ARHGEF28: variants seen among roughly 807,000 people sequenced by gnomAD.
ARHGEF28 encodes 190 kDa guanine nucleotide exchange factor.
In ARHGEF28, 152 loss-of-function variants were observed where a neutral mutation model predicts 206.6. The ratio of observed to expected loss-of-function variants is 0.74; its 90% CI spans 0.64 to 0.84. The LOEUF is 0.84. Ranked by LOEUF, ARHGEF28 falls within the 40% of genes least tolerant of loss-of-function variation. ARHGEF28 has a pLI of 0.00. For missense variants in ARHGEF28, 2,028 were observed against 2,073.2 expected, an observed-to-expected ratio of 0.98 and a Z score of 0.42; for synonymous variants, 763 against 776.4, an observed-to-expected ratio of 0.98 and a Z score of 0.29.
At chr5:73,842,178 A>G (rs1192167216) in intron 11 of ARHGEF28, among the ~76,000 whole-genome samples, 1 of 152,238 alleles carries the variant, frequency 6.6e-6, no homozygotes, top group African/African-American at 2.4e-5. Flanking sequence ...CTTAGGGAGT[A>G]GCTTTTTTTT....
intron 9 of ARHGEF28, among the ~76,000 whole-genome samples, chr5:73,809,476 T>G (rs1755714829): frequency 6.6e-6 from 1 of 152,202 alleles, no homozygotes; most frequent in African/African-American, 2.4e-5. Context: ...CCCGGATATC[T>G]GTGTCTCCCA....
intron 2 of ARHGEF28, among the ~76,000 whole-genome samples, chr5:73,721,611 C>T (rs1749952572): frequency 6.6e-6 from 1 of 152,074 alleles, no homozygotes; most frequent in Admixed American, 6.5e-5. Context: ...CTCACTCTGT[C>T]CCCCAGGCTG....
At chr5:73,666,932 T>G (rs1487282493) in intron 1 of ARHGEF28, among the ~76,000 whole-genome samples, 1 of 152,136 alleles carries the variant, frequency 6.6e-6, no homozygotes. Context: ...CTTAGCATAA[T>G]CCAAGGGTGG....
intron 2 of ARHGEF28, among the ~76,000 whole-genome samples, chr5:73,687,114 G>T (rs1023027554): frequency 1.3e-5 from 2 of 152,018 alleles, no homozygotes; most frequent in African/African-American, 4.8e-5. Context: ...TATATACCTT[G>T]CTGGTGCTAC....
At chr5:73,688,287 C>A (rs1747595181) in intron 2 of ARHGEF28, among the ~76,000 whole-genome samples, 1 of 151,968 alleles carries the variant, frequency 6.6e-6, no homozygotes, top group African/African-American at 2.4e-5. Context: ...CAATTTCTAC[C>A]CACCTCTCAA....
At chr5:73,896,395 C>A (rs1455724694) in intron 29 of ARHGEF28, among the ~76,000 whole-genome samples, 4 of 151,992 alleles carry the variant, frequency 2.6e-5, no homozygotes, top group African/African-American at 9.7e-5. Context: ...GGGATCAGAT[C>A]ATTGTAGGCT....
chr5:73,870,960 A>G (rs1760069877), intron 21 of ARHGEF28, among the ~76,000 whole-genome samples: 1 of 152,166 alleles, frequency 6.6e-6, no homozygotes, highest in Admixed American at 6.5e-5. Context: ...GGCAGTGAGG[A>G]TACCTTGTCA....
chr5:73,871,852 A>G (rs1418871269), intron 21 of ARHGEF28, among the ~76,000 whole-genome samples: 1 of 152,204 alleles, frequency 6.6e-6, no homozygotes, highest in African/African-American at 2.4e-5. Context: ...TGAATAGTAC[A>G]ATATGTGGTC....
At chr5:73,665,711 C>T (rs577321166) in intron 1 of ARHGEF28, among the ~76,000 whole-genome samples, 310 of 152,112 alleles carry the variant, frequency 2.0e-3, no homozygotes, top group African/African-American at 6.9e-3. Flanking sequence ...AAACCCACAC[C>T]CATGATAATG....
At chr5:73,780,274 A>T (rs187733566) in intron 6 of ARHGEF28, 58 of 179,586 alleles carry the variant, frequency 3.2e-4, no homozygotes, top group Admixed American at 6.2e-4. Context: ...CTAGCCCCTC[A>T]CCTGGTCCTC....
intron 20 of ARHGEF28, among the ~76,000 whole-genome samples, chr5:73,869,572 A>G (rs1759955534): frequency 6.6e-6 from 1 of 152,204 alleles, no homozygotes; most frequent in South Asian, 2.1e-4. Context: ...CTGTCATGAA[A>G]GCTGTCTTAA....
chr5:73,828,039 C>G (rs1043387887), intron 9 of ARHGEF28: 12 of 152,034 alleles, frequency 7.9e-5, no homozygotes, highest in South Asian at 2.1e-4. Context: ...ACCCAAAAAG[C>G]CTGCTAGACA....
chr5:73,770,867 G>A (rs2112441632), intron 4 of ARHGEF28, among the ~76,000 whole-genome samples: 1 of 152,344 alleles, frequency 6.6e-6, no homozygotes, highest in East Asian at 1.9e-4. Context: ...ATTCAGGCCT[G>A]CATGTTTACT....
At chr5:73,828,247 T>A (rs1757033519) in intron 9 of ARHGEF28, among the ~76,000 whole-genome samples, 1 of 152,230 alleles carries the variant, frequency 6.6e-6, no homozygotes, top group Non-Finnish European at 1.5e-5. Flanking sequence ...TGGCTAGTGT[T>A]GAAGTTAATA....
intron 35 of ARHGEF28, among the ~76,000 whole-genome samples, chr5:73,925,699 G>A (rs988554565): frequency 6.6e-6 from 1 of 152,116 alleles, no homozygotes; most frequent in Non-Finnish European, 1.5e-5. Flanking sequence ...GAATGGAATG[G>A]AATGGAACAC....
intron 2 of ARHGEF28, among the ~76,000 whole-genome samples, chr5:73,747,465 A>G (rs539354269): frequency 6.6e-6 from 1 of 152,226 alleles, no homozygotes; most frequent in African/African-American, 2.4e-5. Context: ...TGATCTCCTA[A>G]GTAGCTTTAT....
At chr5:73,887,442 C>T (rs1761368286) in intron 25 of ARHGEF28, 161 bp from the exon 26 acceptor site, 2 of 545,692 alleles carry the variant, frequency 3.7e-6, no homozygotes, top group Admixed American at 7.4e-5. Flanking sequence ...TTAAAGACAG[C>T]TTTCTATTAA....
chr5:73,911,336 C>A lies in ARHGEF28; in HGVS notation c.4709C>A (p.Ala1570Asp), dbSNP rs1464167951. 9.3e-6 allele frequency: 15 copies of A among 1,611,912 alleles called. No individual in the cohort carries two copies. Among genetic ancestry groups the A allele is most frequent in the Non-Finnish European group, 1.3e-5 (15 of 1,178,964 alleles). Reference protein sequence around the residue: ...CHENSFFINEALVQMSFNTFN... With the variant: ...CHENSFFINEDLVQMSFNTFN... ...GAAAACTCATTCTTCATCAATGAAG[C>A]TTTAGTACAAATGTCATTTAACACT... The change falls in exon 35 of 36, where the codon GCT becomes GAT. Residue 1570 changes from alanine (A) to aspartate (D), a missense_variant. Coordinates refer to ENST00000513042, the MANE Select transcript of ARHGEF28 (RefSeq NM_001177693.2).
chr5:73,896,806 C>T (rs750536382), intron 29 of ARHGEF28, among the ~76,000 whole-genome samples: 7 of 152,212 alleles, frequency 4.6e-5, no homozygotes, highest in Admixed American at 1.3e-4. Context: ...CTTTCACTAA[C>T]GCTGGGTTGT....
Sources: allele counts gnomAD v4.1 joint callset (sites outside exome capture counted in the v4.1 genomes callset), GRCh38; gene constraint gnomAD v4.1.1; transcripts MANE v1.5; gene names NCBI Gene and HGNC (gene_info 2026-07-23, HGNC 2026-07-21).